Variants in TNS1 observed in about 807,000 individuals in gnomAD.
TNS1 encodes tensin 1.
A neutral mutation model predicts 168.6 loss-of-function variants in TNS1; 62 were observed. The ratio of observed to expected loss-of-function variants is 0.37; its 90% confidence interval spans 0.30 to 0.45. TNS1 has a LOEUF of 0.45. Among genes scored for constraint, TNS1 ranks in the 20% least tolerant of loss-of-function variants. The probability of loss-of-function intolerance (pLI) is 1.00; values close to 1 mark genes in which losing one functional copy is unlikely to be tolerated. For missense variants in TNS1, 2,240 were observed against 2,339.4 expected, an observed-to-expected ratio of 0.96 and a Z score of 0.88; for synonymous variants, 934 against 933.2, an observed-to-expected ratio of 1.00 and a Z score of -0.02.
At chr2:218,010,354 G>T (rs576468026) in exon 1 of TNS1, 2 of 394,470 alleles carry the variant, frequency 5.1e-6, no homozygotes, top group African/African-American at 4.1e-5. Flanking sequence ...GGAGCAGCCC[G>T]TGTCCTGCTG....
In TNS1 at chr2:217,847,525, C is replaced by A; in HGVS notation, c.2992G>T (p.Ala998Ser). Reference sequence around the variant, plus strand: ...TACCTCTTACCTGCTACCCTGTGGGCCACCAGCCCTTCTAAATTCAATGGC... The same window carrying A: ...TACCTCTTACCTGCTACCCTGTGGGACACCAGCCCTTCTAAATTCAATGGC... ...EEPLNLEGLV[A>S]HRVAGVQARE... The change falls in exon 19 of 33, where the codon GCC (alanine) becomes TCC (serine). Residue 998 changes from alanine to serine, a missense_variant. Physicochemically the swap from Ala to Ser is moderately conservative, Grantham distance 99 (BLOSUM62 1). Coordinates refer to ENST00000682258, the MANE Select transcript of TNS1 (RefSeq NM_001387777.1). 1 of 1,468,320 alleles carries A rather than the reference C, an allele frequency of 6.8e-7. No individual in the cohort carries two copies. The highest frequency in any genetic ancestry group is 9.1e-7 in the Non-Finnish European group (1 of 1,103,196). 91.0% of individuals were successfully genotyped at this position (1,468,320 alleles called of 1,614,324 possible). A position where few individuals can be genotyped will look rare whatever the true frequency, so the allele number is the denominator to read the frequency against.
At chr2:217,984,912 T>C (rs1306605529) in intron 2 of TNS1, among the ~76,000 whole-genome samples, 3 of 151,876 alleles carry the variant, frequency 2.0e-5, no homozygotes, top group African/African-American at 7.3e-5. Flanking sequence ...CTCGCCACCA[T>C]ACCCGGCTAA....
intron 21 of TNS1, among the ~76,000 whole-genome samples, chr2:217,833,720 G>T (rs537614885): frequency 7.9e-4 from 120 of 152,344 alleles, no homozygotes; most frequent in African/African-American, 2.8e-3. Context: ...CCGCAGAGCC[G>T]TTGCAGGGTG....
chr2:217,836,138 C>T lies in TNS1; in HGVS notation c.3081G>A (p.Gln1027=). 2 of 1,614,068 alleles carry T rather than the reference C, an allele frequency of 1.2e-6. No individual in the cohort carries two copies. Among genetic ancestry groups the T allele is most frequent in the Non-Finnish European group, 1.7e-6 (2 of 1,179,976 alleles). The stretch of plus-strand genomic sequence containing the variant: ...TGGCTTCTGGAGACTGGTTCTCATA[C>T]TGTCCATCACTGGCCGCCCGCCTCC... ...PLRRRAASDG[Q]YENQSPEATS... is the part of the protein sequence containing the mutation. The change falls in exon 20 of 33, where the codon CAG becomes CAA. Residue 1027 remains glutamine, a synonymous_variant. Transcript: ENST00000682258.
At chr2:217,808,491 G>T in intron 31 of TNS1, 112 bp downstream of exon 31, 1 of 1,050,630 alleles carries the variant, frequency 9.5e-7, no homozygotes, top group Non-Finnish European at 1.4e-6. Context: ...CAGCTGAATG[G>T]AGAATGTATG....
At chr2:217,808,337 C>T (rs546240467) in intron 31 of TNS1, among the ~76,000 whole-genome samples, 37 of 151,988 alleles carry the variant, frequency 2.4e-4, no homozygotes, top group Non-Finnish European at 5.1e-4. Flanking sequence ...CTCTCCCCAT[C>T]ATGGAGAGGA....
intron 3 of TNS1, among the ~76,000 whole-genome samples, chr2:217,937,743 G>T (rs988866258): frequency 1.7e-4 from 26 of 152,132 alleles, no homozygotes; most frequent in African/African-American, 6.3e-4. Flanking sequence ...AGGGCACTGA[G>T]GCCCAGCGAG....
Position 217,910,818 on chromosome 2 carries a change from C to A in TNS1, c.229-3567G>T, listed in dbSNP as rs1332637138. ...CTGCTCTGAGAGGGACTTAAGACAT[C>A]ATCTCCTCCATCCCCCTGTTTCACA... On this transcript the variant is annotated intron_variant, in intron 4 of 32. Transcript: ENST00000682258. 3.3e-5 allele frequency among the ~76,000 whole-genome samples: 5 copies of A among 151,502 alleles called. No individual in the cohort carries two copies. The South Asian group carries it at 8.3e-4, about 25-fold the overall frequency.
intron 6 of TNS1, among the ~76,000 whole-genome samples, chr2:217,902,724 C>CGGGGA (rs908371721): frequency 5.3e-5 from 8 of 151,844 alleles, no homozygotes; most frequent in Non-Finnish European, 1.0e-4. Flanking sequence ...CTCCACCGGG[C>CGGGGA]GGGGAGGGGA....
intron 4 of TNS1, among the ~76,000 whole-genome samples, chr2:217,917,921 C>G (rs190624456): frequency 6.6e-6 from 1 of 150,550 alleles, no homozygotes; most frequent in South Asian, 2.1e-4. Flanking sequence ...ATAGTAAGTG[C>G]AAAGGCCTGG....
chr2:218,001,197 A>G (rs1958556566), intron 1 of TNS1, among the ~76,000 whole-genome samples: 1 of 152,040 alleles, frequency 6.6e-6, no homozygotes, highest in South Asian at 2.1e-4. Flanking sequence ...CACTCAAGGA[A>G]GCAGCACTCA....
chr2:217,908,265 A>T (rs1352252414), intron 4 of TNS1, among the ~76,000 whole-genome samples: 2 of 152,032 alleles, frequency 1.3e-5, no homozygotes, highest in Non-Finnish European at 2.9e-5. Context: ...CTTCCTACTA[A>T]AGATGGTTTG....
At chr2:217,885,513 C>T (rs550223067) in intron 15 of TNS1, among the ~76,000 whole-genome samples, 11 of 152,320 alleles carry the variant, frequency 7.2e-5, no homozygotes, top group Non-Finnish European at 1.3e-4. Context: ...GGTAACAGCT[C>T]ACGCTGAGTG....
rs879608103 is a variant in TNS1 at position 217,809,180 on chromosome 2, C to CATGG, written c.5274-513_5274-510dup. On this transcript the variant is annotated intron_variant, in intron 30 of 32. Transcript: ENST00000682258. ...GGATGAATAAATGCAGGGATGGAGG[C>CATGG]ATGGATGGATGGATGGATGGATGGA... 1.4e-3 allele frequency among the ~76,000 whole-genome samples: 180 copies of CATGG among 130,720 alleles called. 46 individuals are homozygous for CATGG. The highest frequency in any genetic ancestry group is 2.0e-3 in the South Asian group (8 of 4,024). 85.8% of individuals were successfully genotyped at this position (130,720 alleles called of 152,430 possible). A position where few individuals can be genotyped will look rare whatever the true frequency, so the allele number is the denominator to read the frequency against.
intron 32 of TNS1, among the ~76,000 whole-genome samples, chr2:217,804,933 A>C (rs146532200): frequency 6.9e-4 from 105 of 152,134 alleles, no homozygotes; most frequent in Middle Eastern, 6.8e-3. Flanking sequence ...ACATTCCTAG[A>C]CAGGCCTCTC....
rs140619365 is a variant in TNS1, at chr2:217,960,161, C to T, written c.186+18604G>A. Among the ~76,000 whole-genome samples, 1,021 of 152,168 alleles carry T rather than the reference C, an allele frequency of 6.7e-3. 14 individuals carry two copies. Among genetic ancestry groups the T allele is most frequent in the African/African-American group, 0.024 (978 of 41,494 alleles). The stretch of plus-strand genomic sequence containing the variant: ...GTGAGTGGGGGGCAGAAGGAGTGTC[C>T]CCGACTCATTGACCCATCCAGGAAC... On this transcript the variant is annotated intron_variant, in intron 3 of 32. Transcript: ENST00000682258.
Position 217,848,535 on chromosome 2 carries a change from GCCTCTGGGTAGCC to G in TNS1, c.1969_1981del (p.Gly657ProfsTer5). ...CAGACCGTTGGTCAGTGGGGACAGG[GCCTCTGGGTAGCC>G]CCCCTCACTGGTGTTGGTGACCCCG... On this transcript the variant is annotated frameshift_variant, in exon 19 of 33. Coordinates refer to ENST00000682258, the MANE Select transcript of TNS1 (RefSeq NM_001387777.1). LOFTEE classifies it high-confidence loss of function. The G allele has an allele frequency of 6.2e-7, 1 of 1,613,946 alleles. No homozygotes were observed.
At position 217,974,682 on chromosome 2, in the gene TNS1, C is replaced by G. The variant is rs141012169; in HGVS notation, c.186+4083G>C. On this transcript the variant is annotated intron_variant, in intron 3 of 32. Transcript: ENST00000682258. Reference sequence around the variant, plus strand: ...CCTTTCCAGGCTTTGACTATCGTTCCAAGAAAGGAGAAAGGTGCCTACTAT... The same window carrying G: ...CCTTTCCAGGCTTTGACTATCGTTCGAAGAAAGGAGAAAGGTGCCTACTAT... 4.1e-3 allele frequency among the ~76,000 whole-genome samples: 621 copies of G among 152,276 alleles called. 5 individuals are homozygous for G. The highest frequency in any genetic ancestry group is 0.014 in the African/African-American group (572 of 41,546).
intron 3 of TNS1, among the ~76,000 whole-genome samples, chr2:217,946,314 C>T (rs1281739634): frequency 1.3e-5 from 2 of 152,160 alleles, no homozygotes; most frequent in Non-Finnish European, 2.9e-5. Context: ...GTCAGGTGCA[C>T]TTCTATGGCT....
Sources: allele counts gnomAD v4.1 joint callset (sites outside exome capture counted in the v4.1 genomes callset), GRCh38; gene constraint gnomAD v4.1.1; transcripts MANE v1.5; gene names NCBI Gene and HGNC (gene_info 2026-07-23, HGNC 2026-07-21).